The following PSEN2 variants were observed in gnomAD, a reference collection of about 807,000 sequenced individuals.
The protein encoded by PSEN2 is presenilin 2.
Under a neutral mutation model 49.1 loss-of-function variants are expected in PSEN2, and 32 were observed. That is an observed-to-expected ratio of 0.65 (90% CI 0.49 to 0.88). The LOEUF is 0.88. PSEN2 is among the 40% of genes least tolerant of loss of function. The pLI is 0.00. For synonymous variants in PSEN2, 255 were observed against 244.0 expected (o/e 1.05, Z -0.42); for missense variants, 522 against 586.9 (o/e 0.89, Z 1.14).
At chr1:226,888,051 C>T (rs1452910782) in intron 6 of PSEN2, 40 bp from the exon 7 acceptor site, 3 of 1,559,146 alleles carry the variant, frequency 1.9e-6, no homozygotes, top group African/African-American at 2.7e-5. Flanking sequence ...ATTTGTGGCG[C>T]TTGGGGACAC....
intron 4 of PSEN2, among the ~76,000 whole-genome samples, chr1:226,883,146 A>G (rs544616246): frequency 5.5e-4 from 84 of 152,282 alleles, no homozygotes; most frequent in Non-Finnish European, 1.1e-3. Context: ...GCGTCTTCTC[A>G]GATGCTTAAC....
chr1:226,879,338 G>GCCT (rs1463545367), intron 3 of PSEN2, among the ~76,000 whole-genome samples: 2 of 152,188 alleles, frequency 1.3e-5, no homozygotes, highest in Non-Finnish European at 2.9e-5. Context: ...TGGCCCTGGG[G>GCCT]CCTAGTCTGA....
At chr1:226,885,461 G>A in intron 5 of PSEN2, 77 bp from the exon 6 acceptor site, 1 of 1,556,394 alleles carries the variant, frequency 6.4e-7, no homozygotes. Flanking sequence ...CCCCTAGCAG[G>A]TCCAGAATCA....
At chr1:226,872,083 G>A (rs191119504) in intron 2 of PSEN2, among the ~76,000 whole-genome samples, 1 of 152,316 alleles carries the variant, frequency 6.6e-6, no homozygotes, top group Admixed American at 6.5e-5. Flanking sequence ...GGAGTGAGTG[G>A]CTTGTTCCTG....
chr1:226,900,762 A>G (rs1021663994), downstream of PSEN2, among the ~76,000 whole-genome samples: 2 of 152,148 alleles, frequency 1.3e-5, no homozygotes, highest in Non-Finnish European at 2.9e-5. Context: ...ATATAAGCAG[A>G]AGTGCTGTGT....
chr1:226,899,093 A>T (rs2102702875), downstream of PSEN2: 1 of 152,162 alleles, frequency 6.6e-6, no homozygotes, highest in South Asian at 2.1e-4. Context: ...TGCCTTTAGG[A>T]GTGTTTTGCT....
chr1:226,898,749 G>C (rs1294019565), downstream of PSEN2: 4 of 152,198 alleles, frequency 2.6e-5, no homozygotes, highest in African/African-American at 9.7e-5. Context: ...GAGTAGCTGG[G>C]ATTACAGGTG....
At chr1:226,874,375 G>C (rs991086635) in intron 2 of PSEN2, among the ~76,000 whole-genome samples, 6 of 152,250 alleles carry the variant, frequency 3.9e-5, no homozygotes, top group Non-Finnish European at 7.3e-5. Context: ...CTAGGCTTCA[G>C]TTGTCCTTAA....
chr1:226,899,869 C>T (rs1267080071), downstream of PSEN2, among the ~76,000 whole-genome samples: 2 of 152,194 alleles, frequency 1.3e-5, no homozygotes, highest in Non-Finnish European at 2.9e-5. Context: ...GGGTGCATTT[C>T]CTCTTCTTAA....
intron 6 of PSEN2, among the ~76,000 whole-genome samples, chr1:226,886,403 T>TTGTAGCTGCC (rs1661367367): frequency 6.6e-6 from 1 of 152,100 alleles, no homozygotes; most frequent in Non-Finnish European, 1.5e-5. Context: ...GACTTTTGGG[T>TTGTAGCTGCC]TGTAGCTGCC....
chr1:226,873,435 G>A (rs1660433738), intron 2 of PSEN2, among the ~76,000 whole-genome samples: 1 of 151,916 alleles, frequency 6.6e-6, no homozygotes, highest in Non-Finnish European at 1.5e-5. Context: ...TTTTTTTTGA[G>A]ATGGAGTTTC....
downstream of PSEN2, chr1:226,899,620 G>A (rs1275056041): frequency 6.6e-6 from 1 of 152,252 alleles, no homozygotes; most frequent in African/African-American, 2.4e-5. Context: ...GTATAATAGT[G>A]TGGAATGGTG....
chr1:226,888,227 G>A, intron 7 of PSEN2, 69 bp downstream of exon 7: 1 of 1,374,726 alleles, frequency 7.3e-7, no homozygotes, highest in South Asian at 1.2e-5. Context: ...ACATGGGCAT[G>A]AGGACCTGGG....
chr1:226,887,187 G>A (rs948477153), intron 6 of PSEN2, among the ~76,000 whole-genome samples: 15 of 152,176 alleles, frequency 9.9e-5, no homozygotes, highest in African/African-American at 3.6e-4. Context: ...CATCTGTCTA[G>A]TAGGGCTTCC....
downstream of PSEN2, chr1:226,898,815 C>CGT (rs1488780170): frequency 2.6e-5 from 4 of 152,060 alleles, no homozygotes; most frequent in Non-Finnish European, 4.4e-5. Flanking sequence ...GGGGTTTCAC[C>CGT]GTGTTAGCCA....
chr1:226,883,966 G>T, intron 5 of PSEN2, 47 bp downstream of exon 5: 1 of 330,270 alleles, frequency 3.0e-6, no homozygotes. Flanking sequence ...GGGCTGAGTT[G>T]CCAGGGGGTG....
At chr1:226,886,656 A>T (rs1661383404) in intron 6 of PSEN2, among the ~76,000 whole-genome samples, 1 of 152,198 alleles carries the variant, frequency 6.6e-6, no homozygotes. Context: ...CCATCCATGG[A>T]GCAGGTAGAT....
intron 4 of PSEN2, among the ~76,000 whole-genome samples, chr1:226,883,168 C>G (rs1661107034): frequency 6.6e-6 from 1 of 152,192 alleles, no homozygotes; most frequent in African/African-American, 2.4e-5. Flanking sequence ...CCTGTTTAGC[C>G]TCTCTAGTTC....
In PSEN2 at chr1:226,891,834, A is replaced by G. The variant is rs1375593054; in HGVS notation, c.1062A>G (p.Glu354=). 5 of 1,613,694 alleles carry G rather than the reference A, an allele frequency of 3.1e-6. No homozygotes were observed. The highest frequency in any genetic ancestry group is 4.2e-6 in the Non-Finnish European group (5 of 1,179,786). ...LTGYPGEELE[E]EEERGVKLGL... ...GCTACCCAGGGGAGGAGCTGGAGGA[A>G]GAGGAGGAAAGTAAGGTGCCCATGT... The change falls in exon 11 of 13, where the codon GAA becomes GAG. Residue 354 remains glutamate, a synonymous_variant. Transcript: ENST00000366783.
Sources: allele counts gnomAD v4.1 joint callset (sites outside exome capture counted in the v4.1 genomes callset), GRCh38; gene constraint gnomAD v4.1.1; transcripts MANE v1.5; gene names NCBI Gene and HGNC (gene_info 2026-07-23, HGNC 2026-07-21).